DOCK9: variants seen among roughly 807,000 people sequenced by gnomAD.
DOCK9 encodes dedicator of cytokinesis protein 9.
In DOCK9, 89 loss-of-function variants were observed where a neutral mutation model predicts 263.3. The observed-to-expected ratio is 0.34, with a 90% CI of 0.28 to 0.40. The LOEUF is 0.40. DOCK9 is among the 10% of genes least tolerant of loss of function. The probability of loss-of-function intolerance (pLI) is 1.00; values close to 1 mark genes in which losing one functional copy is unlikely to be tolerated. For synonymous variants in DOCK9, 976 were observed against 973.1 expected (o/e 1.00, Z -0.06); for missense variants, 2,140 against 2,603.4 (o/e 0.82, Z 3.87).
At chr13:98,808,855 G>A (rs1704944537) in intron 47 of DOCK9, among the ~76,000 whole-genome samples, 1 of 152,204 alleles carries the variant, frequency 6.6e-6, no homozygotes, top group Admixed American at 6.5e-5. Context: ...CTGAAAAACT[G>A]TAAATATACT....
chr13:98,837,753 G>A (rs1259936283), intron 38 of DOCK9, 144 bp from the exon 39 acceptor site: 3 of 114,270 alleles, frequency 2.6e-5, no homozygotes, highest in Middle Eastern at 4.6e-3. Context: ...TTGGGGTGGG[G>A]GGCGGGGTGG....
At chr13:99,046,386 C>T (rs1298568008) in intron 1 of DOCK9, among the ~76,000 whole-genome samples, 1 of 152,186 alleles carries the variant, frequency 6.6e-6, no homozygotes, top group Non-Finnish European at 1.5e-5. Flanking sequence ...CTGGGCTTTG[C>T]CACTCACCCA....
intron 2 of DOCK9, among the ~76,000 whole-genome samples, chr13:98,951,444 A>C (rs1043403629): frequency 2.0e-5 from 3 of 152,204 alleles, no homozygotes; most frequent in African/African-American, 7.2e-5. Flanking sequence ...CTAGCAAGAA[A>C]GGGATTTTGT....
chr13:98,903,191 G>A (rs550457976), intron 10 of DOCK9, 79 bp from the exon 11 acceptor site: 19 of 1,161,872 alleles, frequency 1.6e-5, no homozygotes, highest in African/African-American at 3.2e-5. Flanking sequence ...CAAAGGAAAC[G>A]GAATAAAATA....
At chr13:99,020,154 C>T (rs1288893491) in intron 1 of DOCK9, among the ~76,000 whole-genome samples, 1 of 152,102 alleles carries the variant, frequency 6.6e-6, no homozygotes, top group Non-Finnish European at 1.5e-5. Flanking sequence ...ACCTACTCTG[C>T]CCACCCCATA....
chr13:98,847,808 A>G (rs913308519), intron 37 of DOCK9: 1 of 152,214 alleles, frequency 6.6e-6, no homozygotes, highest in African/African-American at 2.4e-5. Flanking sequence ...TTAGACCAAG[A>G]CCCCACTAAT....
intron 35 of DOCK9, among the ~76,000 whole-genome samples, 195 bp from the exon 36 acceptor site, chr13:98,850,308 C>T (rs1278305526): frequency 6.6e-6 from 1 of 152,148 alleles, no homozygotes; most frequent in Non-Finnish European, 1.5e-5. Context: ...GCCTATTCAC[C>T]TTCAACATGC....
At chr13:98,921,925 C>G (rs1257652406) in intron 6 of DOCK9, 126 bp downstream of exon 6, 2 of 839,154 alleles carry the variant, frequency 2.4e-6, no homozygotes, top group African/African-American at 1.7e-5. Context: ...GGGGAGCATC[C>G]TAGGAATCAG....
intron 1 of DOCK9, among the ~76,000 whole-genome samples, chr13:99,032,880 A>T (rs1181993419): frequency 6.6e-6 from 1 of 152,180 alleles, no homozygotes; most frequent in African/African-American, 2.4e-5. Context: ...AATTAACAGA[A>T]ATCAGGAGTA....
At chr13:99,046,520 T>C (rs996489951) in intron 1 of DOCK9, among the ~76,000 whole-genome samples, 3 of 152,216 alleles carry the variant, frequency 2.0e-5, no homozygotes, top group Admixed American at 2.0e-4. Flanking sequence ...GTTGCCCAAC[T>C]TGTGGGACTT....
chr13:98,919,892 T>A (rs550309175), intron 7 of DOCK9, among the ~76,000 whole-genome samples: 29 of 152,252 alleles, frequency 1.9e-4, no homozygotes, highest in Non-Finnish European at 3.8e-4. Context: ...CTCACCCTTA[T>A]CCCAATCCCC....
intron 2 of DOCK9, among the ~76,000 whole-genome samples, chr13:98,936,627 A>C (rs1214109867): frequency 2.1e-5 from 2 of 93,396 alleles, no homozygotes; most frequent in Non-Finnish European, 5.2e-5. Flanking sequence ...CTCAAACAAA[A>C]AAAAAAAAAA....
At chr13:98,900,824 G>A (rs1244672463) in intron 13 of DOCK9, among the ~76,000 whole-genome samples, 4 of 152,130 alleles carry the variant, frequency 2.6e-5, no homozygotes, top group South Asian at 4.2e-4. Flanking sequence ...AATGGCCATC[G>A]TGCATCCTGT....
intron 38 of DOCK9, 83 bp from the exon 39 acceptor site, chr13:98,837,692 G>C: frequency 1.4e-6 from 1 of 700,322 alleles, no homozygotes; most frequent in Non-Finnish European, 2.1e-6. Context: ...GTCAACTTTT[G>C]ATTATTCAGA....
chr13:98,979,287 T>C (rs542257172), upstream of DOCK9, among the ~76,000 whole-genome samples: 3 of 151,840 alleles, frequency 2.0e-5, no homozygotes, highest in Admixed American at 6.6e-5. Context: ...CGAGAGTAGT[T>C]ATCATGTAGC....
rs1282208501 is a variant in DOCK9 at position 98,915,404 on chromosome 13, T to C, written c.817A>G (p.Thr273Ala). Residue 273 changes from threonine to alanine, a missense_variant, in exon 8 of 53, where the codon ACA becomes GCA. Coordinates refer to ENST00000682017, the MANE Select transcript of DOCK9 (RefSeq NM_001366683.2). ...AGCTGGAGGATCTTATTTAGAATTGTGATCCATTCTTCCATTTCCACTTCA... is the reference window on the plus strand; with the variant it reads ...AGCTGGAGGATCTTATTTAGAATTGCGATCCATTCTTCCATTTCCACTTCA... ...DSEVEMEEWI[T>A]ILNKILQLNF... The C allele has an allele frequency of 6.2e-7, 1 of 1,613,876 alleles. No individual in the cohort carries two copies. Among genetic ancestry groups the C allele is most frequent in the Non-Finnish European group, 8.5e-7 (1 of 1,179,880 alleles).
intron 39 of DOCK9, among the ~76,000 whole-genome samples, chr13:98,832,322 TG>T (rs2092797852): frequency 1.3e-5 from 2 of 152,176 alleles, no homozygotes; most frequent in African/African-American, 4.8e-5. Context: ...ATCATAGGCA[TG>T]AATTTGCACA....
chr13:98,996,528 T>C (rs1881080865), intron 1 of DOCK9, among the ~76,000 whole-genome samples: 1 of 152,226 alleles, frequency 6.6e-6, no homozygotes, highest in Non-Finnish European at 1.5e-5. Flanking sequence ...CAATAATCTA[T>C]TTCAAAATCA....
intron 1 of DOCK9, among the ~76,000 whole-genome samples, chr13:99,044,145 G>A (rs555718209): frequency 1.1e-4 from 17 of 152,272 alleles, no homozygotes; most frequent in African/African-American, 3.1e-4. Flanking sequence ...CTGCTCACGC[G>A]ACACTGTTGA....
Sources: gnomAD v4.1 joint callset for allele counts (sites outside exome capture counted in the v4.1 genomes callset) on GRCh38, gnomAD v4.1.1 for gene constraint, MANE v1.5 for transcripts, NCBI Gene and HGNC (gene_info 2026-07-23, HGNC 2026-07-21) for gene names.